Variants in ERBB3 observed in about 807,000 individuals in gnomAD.
ERBB3 encodes the protein receptor tyrosine-protein kinase erbB-3.
A neutral mutation model predicts 156.7 loss-of-function variants in ERBB3; 96 were observed. The observed-to-expected ratio is 0.61, with a 90% CI of 0.52 to 0.73. The LOEUF is 0.73. ERBB3 is among the 30% of genes least tolerant of loss of function. ERBB3 has a pLI of 0.00. For missense variants in ERBB3, 1,406 were observed against 1,709.4 expected (o/e 0.82, Z 3.13); for synonymous variants, 567 against 632.0 (o/e 0.90, Z 1.54).
chr12:56,087,938 G>A (rs1592226676), intron 6 of ERBB3, 25 bp downstream of exon 6: 2 of 1,613,660 alleles, frequency 1.2e-6, no homozygotes, highest in Non-Finnish European at 1.7e-6. Flanking sequence ...CATTGCCTGG[G>A]TTCTGAAATT....
rs752180033 is a variant in ERBB3, at chr12:56,083,826, A to G, written c.158A>G (p.Tyr53Cys). ...ENQYQTLYKLYERCEVVMGNL... is the reference protein window; with the variant it reads ...ENQYQTLYKLCERCEVVMGNL... The stretch of plus-strand genomic sequence containing the variant: ...CAATACCAGACACTGTACAAGCTCT[A>G]CGAGAGGTGTGAGGTGGTGATGGGG... The change falls in exon 2 of 28, where the codon TAC becomes TGC. Residue 53 changes from tyrosine (Y) to cysteine (C), a missense_variant. Coordinates refer to ENST00000267101, the MANE Select transcript of ERBB3 (RefSeq NM_001982.4). The G allele has an allele frequency of 8.1e-6, 13 of 1,614,002 alleles. No homozygotes were observed. The highest frequency in any genetic ancestry group is 4.0e-5 in the African/African-American group (3 of 74,890).
chr12:56,082,812 G>A (rs1868369759), intron 1 of ERBB3, among the ~76,000 whole-genome samples: 1 of 152,178 alleles, frequency 6.6e-6, no homozygotes. Context: ...TGTGGGTGAG[G>A]ATTGCCATGG....
Position 56,086,585 on chromosome 12 carries a change from A to T in ERBB3, c.476A>T (p.Asp159Val). ...IEKNDKLCHM[D>V]TIDWRDIVRD... ...AAGAACGATAAGCTTTGTCACATGGACACAATTGACTGGAGGGACATCGTG... is the reference window on the plus strand; with the variant it reads ...AAGAACGATAAGCTTTGTCACATGGTCACAATTGACTGGAGGGACATCGTG... Residue 159 changes from aspartate (D) to valine (V), a missense_variant, in exon 4 of 28, where the codon GAC (aspartate) becomes GTC (valine). Coordinates refer to ENST00000267101, the MANE Select transcript of ERBB3 (RefSeq NM_001982.4). 6.2e-7 allele frequency: 1 copy of T among 1,613,974 alleles called. No homozygotes were observed. Among genetic ancestry groups the T allele is most frequent in the South Asian group, 1.1e-5 (1 of 91,070 alleles).
chr12:56,099,640 A>G lies in ERBB3; in HGVS notation c.2840-8A>G, dbSNP rs764666189. On this transcript the variant is annotated splice_polypyrimidine_tract_variant and splice_region_variant and intron_variant, in intron 23 of 27. Transcript: ENST00000267101. ...TTTATGTCTCTACCTCCTACATCTT[A>G]TCTCCAGGTTGGATGATTGATGAGA... 1.9e-6 allele frequency: 3 copies of G among 1,611,430 alleles called. No homozygotes were observed. The highest frequency in any genetic ancestry group is 2.5e-6 in the Non-Finnish European group (3 of 1,177,842).
chr12:56,091,266 TTATATATA>T (rs199547778), intron 9 of ERBB3, among the ~76,000 whole-genome samples: 539 of 43,410 alleles, frequency 0.012, 29 homozygotes, highest in South Asian at 0.056. Context: ...TTGGCTAATT[TTATATATA>T]TATATATATA....
At chr12:56,083,602 A>G (rs920443922) in intron 1 of ERBB3, 149 bp from the exon 2 acceptor site, 3 of 808,768 alleles carry the variant, frequency 3.7e-6, no homozygotes, top group African/African-American at 1.7e-5. Flanking sequence ...GCTTCTGCCT[A>G]TCGCTTGTGG....
chr12:56,088,201 T>C (rs1373879334), intron 7 of ERBB3, 39 bp downstream of exon 7: 5 of 1,609,312 alleles, frequency 3.1e-6, no homozygotes, highest in Non-Finnish European at 4.3e-6. Context: ...TCAACAATAG[T>C]AGATCCAAGA....
chr12:56,090,289 C>T (rs950230876), intron 9 of ERBB3, among the ~76,000 whole-genome samples: 2 of 152,064 alleles, frequency 1.3e-5, no homozygotes, highest in East Asian at 1.9e-4. Context: ...TGTGAGCCAC[C>T]GCGTCTGGCC....
chr12:56,102,170 C>A lies in ERBB3; in HGVS notation c.*115C>A. 1.1e-6 allele frequency: 1 copy of A among 917,424 alleles called. No individual in the cohort carries two copies. Among genetic ancestry groups the A allele is most frequent in the Non-Finnish European group, 1.7e-6 (1 of 573,490 alleles). The allele number at this position is 917,424 out of a possible 1,614,324, so 56.8% of individuals were successfully genotyped here. On this transcript the variant is annotated 3_prime_UTR_variant, in exon 28 of 28. Transcript: ENST00000267101. Reference sequence around the variant, plus strand: ...GGTCCCAGCCCCTTTTCCCCAGTCCCAGACAATTCCATTCAATCTTTGGAG... The same window carrying A: ...GGTCCCAGCCCCTTTTCCCCAGTCCAAGACAATTCCATTCAATCTTTGGAG...
Position 56,101,789 on chromosome 12 carries a change from AC to A in ERBB3, c.3764del (p.Thr1255IlefsTer9). The A allele has an allele frequency of 6.2e-7, 1 of 1,613,002 alleles. No individual in the cohort carries two copies. The highest frequency in any genetic ancestry group is 1.1e-5 in the South Asian group (1 of 91,036). ...PVPIMPTAGT[T>X]PDEDYEYMNR... ...ACCCATCATGCCCACTGCAGGCACA[AC>A]TCCAGATGAAGACTATGAATATATG... is the stretch of plus-strand genomic sequence containing the variant. On this transcript the variant is annotated frameshift_variant, in exon 28 of 28. Coordinates refer to ENST00000267101, the MANE Select transcript of ERBB3 (RefSeq NM_001982.4). LOFTEE classifies it high-confidence loss of function.
rs142878944 is a variant in ERBB3 at position 56,084,075 on chromosome 12, G to A, written c.234+173G>A. 1.4e-4 allele frequency among the ~76,000 whole-genome samples: 21 copies of A among 152,216 alleles called. No homozygotes were observed. The East Asian group carries it at 3.9e-3, about 28-fold the overall frequency. ...CAGTGGCTGTCATCTGGGACCTATG[G>A]TCTCACTGTTGTAGCCAGGGATATA... On this transcript the variant is annotated intron_variant, in intron 2 of 27. Coordinates refer to ENST00000267101, the MANE Select transcript of ERBB3 (RefSeq NM_001982.4).
intron 26 of ERBB3, 79 bp downstream of exon 26, chr12:56,100,324 G>GT: frequency 8.4e-7 from 1 of 1,184,582 alleles, no homozygotes. Flanking sequence ...AACCTCTGAG[G>GT]TTTAATCAGT....
intron 9 of ERBB3, among the ~76,000 whole-genome samples, chr12:56,091,149 T>C (rs1180003652): frequency 2.7e-5 from 4 of 149,002 alleles, no homozygotes; most frequent in African/African-American, 1.0e-4. Flanking sequence ...TTGCCCAGGC[T>C]GGAATACAGT....
intron 26 of ERBB3, among the ~76,000 whole-genome samples, chr12:56,100,557 G>A (rs184485935): frequency 1.3e-5 from 2 of 150,850 alleles, no homozygotes; most frequent in African/African-American, 2.4e-5. Flanking sequence ...CAGGAGAATC[G>A]CTTGAACCCG....
At position 56,096,752 on chromosome 12, in the gene ERBB3, T is replaced by G; in HGVS notation, c.2180T>G (p.Val727Gly). 1 of 1,612,580 alleles carries G rather than the reference T, an allele frequency of 6.2e-7. No individual in the cohort carries two copies. The highest frequency in any genetic ancestry group is 8.5e-7 in the Non-Finnish European group (1 of 1,178,828). The change falls in exon 19 of 28, where the codon GTG (valine) becomes GGG (glycine). Residue 727 changes from valine to glycine, a missense_variant. Physicochemically the swap from Val to Gly is moderately radical, Grantham distance 109. This residue lies in a region of ERBB3 where 979 missense variants were observed against 1,219.6 expected (regional missense o/e 0.80). Coordinates refer to ENST00000267101, the MANE Select transcript of ERBB3 (RefSeq NM_001982.4). ...SGVFGTVHKG[V>G]WIPEGESIKI... ...CTCCTGCCCCAAACTTCCCAGGGAG[T>G]GTGGATCCCTGAGGGTGAATCAATC...
rs1057519169 is a variant in ERBB3 at position 56,096,847 on chromosome 12, G to A, written c.2274+1G>A. On this transcript the variant is annotated splice_donor_variant, in intron 19 of 27. Coordinates refer to ENST00000267101, the MANE Select transcript of ERBB3 (RefSeq NM_001982.4). LOFTEE classifies it high-confidence loss of function. The stretch of plus-strand genomic sequence containing the variant: ...GCAGAGTTTTCAAGCTGTGACAGAT[G>A]TAAGTGAAGGAAATTCTGTATGCCG... 5.0e-6 allele frequency: 8 copies of A among 1,603,904 alleles called. No individual in the cohort carries two copies. The highest frequency in any genetic ancestry group is 6.8e-6 in the Non-Finnish European group (8 of 1,171,342).
rs1868869833 is a variant in ERBB3, at chr12:56,095,781, T to A, written c.2030T>A (p.Met677Lys). 1.9e-6 allele frequency: 3 copies of A among 1,614,120 alleles called. No homozygotes were observed. The highest frequency in any genetic ancestry group is 2.5e-6 in the Non-Finnish European group (3 of 1,180,054). Residue 677 changes from methionine (M) to lysine (K), a missense_variant, in exon 17 of 28, where the codon ATG becomes AAG. By Grantham distance (95) the Met-to-Lys change is moderately conservative. Coordinates refer to ENST00000267101, the MANE Select transcript of ERBB3 (RefSeq NM_001982.4). ...RGRRIQNKRA[M>K]RRYLERGESI... ...CGCCGGATTCAGAATAAAAGGGCTA[T>A]GAGGCGATACTTGGAACGGGGTGAG...
At position 56,092,982 on chromosome 12, in the gene ERBB3, T is replaced by C; in HGVS notation, c.1184-4T>C. The C allele has an allele frequency of 6.2e-7, 1 of 1,613,344 alleles. No homozygotes were observed. Among genetic ancestry groups the C allele is most frequent in the Non-Finnish European group, 8.5e-7 (1 of 1,179,306 alleles). On this transcript the variant is annotated splice_polypyrimidine_tract_variant and splice_region_variant and intron_variant, in intron 10 of 27. Transcript: ENST00000267101. Reference sequence around the variant, plus strand: ...TGCCCATATGCCTCTCTCCAACCCCTCAGGTTACCTGAACATCCAGTCCTG... The same window carrying C: ...TGCCCATATGCCTCTCTCCAACCCCCCAGGTTACCTGAACATCCAGTCCTG...
At position 56,080,448 on chromosome 12, in the gene ERBB3, G is replaced by C. The variant is rs902024862; in HGVS notation, c.82+66G>C. On this transcript the variant is annotated intron_variant, in intron 1 of 27. Transcript: ENST00000267101. ...GCCGGAACCCAGTGCGCGCAGCCTC[G>C]GAGGGTATGGGCACGGTCTCAGGCG... 11 of 1,291,204 alleles carry C rather than the reference G, an allele frequency of 8.5e-6. No homozygotes were observed. In the Admixed American group the frequency reaches 9.9e-5, roughly 12 times the overall value. The allele number at this position is 1,291,204 out of a possible 1,614,324, so 80.0% of individuals were successfully genotyped here. A position where few individuals can be genotyped will look rare whatever the true frequency, so the allele number is the denominator to read the frequency against.
Sources: gnomAD v4.1 joint callset for allele counts (sites outside exome capture counted in the v4.1 genomes callset) on GRCh38, gnomAD v4.1.1 for gene constraint, gnomAD v4.1.1 regional missense constraint, MANE v1.5 for transcripts, NCBI Gene and HGNC (gene_info 2026-07-23, HGNC 2026-07-21) for gene names.